DOCK3: variants seen among roughly 807,000 people sequenced by gnomAD.
DOCK3 encodes dedicator of cytokinesis 3.
Under a neutral mutation model 265.6 loss-of-function variants are expected in DOCK3, and 60 were observed. The ratio of observed to expected loss-of-function variants is 0.23; its 90% CI spans 0.18 to 0.28. DOCK3 has a LOEUF of 0.28. DOCK3 is among the 10% of genes least tolerant of loss of function. The pLI, the probability that DOCK3 is intolerant of heterozygous loss-of-function variation, is 1.00. For synonymous variants in DOCK3, 881 were observed against 938.0 expected, an observed-to-expected ratio of 0.94 and a Z score of 1.11; for missense variants, 1,981 against 2,594.3, an observed-to-expected ratio of 0.76 and a Z score of 5.14.
At chr3:51,236,298 G>T in intron 19 of DOCK3, 47 bp from the exon 20 acceptor site, 1 of 1,399,518 alleles carries the variant, frequency 7.1e-7, no homozygotes, top group South Asian at 1.2e-5. Flanking sequence ...AAGTTTGTGC[G>T]TGTAAGGTCC....
chr3:51,305,704 GTGTGTGTGTGTC>G (rs1253998484), intron 27 of DOCK3, among the ~76,000 whole-genome samples: 1 of 126,552 alleles, frequency 7.9e-6, no homozygotes, highest in Non-Finnish European at 1.6e-5. Context: ...AATTCCCTCA[GTGTGTGTGTGTC>G]TGTGTGTGTG....
chr3:51,294,804 G>A (rs2081988171), intron 27 of DOCK3, among the ~76,000 whole-genome samples: 1 of 152,088 alleles, frequency 6.6e-6, no homozygotes, highest in Non-Finnish European at 1.5e-5. Flanking sequence ...TGGGTGCAAA[G>A]TTTCAGTTCA....
At chr3:50,706,588 ATCTATATGGAGACCTTTAAGTTTC>A (rs2036428618) in intron 1 of DOCK3, among the ~76,000 whole-genome samples, 1 of 152,082 alleles carries the variant, frequency 6.6e-6, no homozygotes, top group Non-Finnish European at 1.5e-5. Context: ...ATGGGATTGA[ATCTATATGGAGACCTTTAAGTTTC>A]CTGTGTCTGG....
chr3:51,030,060 A>G (rs998967656), intron 5 of DOCK3, among the ~76,000 whole-genome samples: 8 of 151,630 alleles, frequency 5.3e-5, no homozygotes, highest in African/African-American at 1.9e-4. Flanking sequence ...ACTCTCTCCT[A>G]CTCTTTCTAC....
intron 7 of DOCK3, among the ~76,000 whole-genome samples, chr3:51,080,905 T>G (rs2082212733): frequency 6.6e-6 from 1 of 151,728 alleles, no homozygotes; most frequent in Non-Finnish European, 1.5e-5. Flanking sequence ...TGCTTGAATT[T>G]TTTTTTTTTT....
At chr3:50,971,005 T>G (rs1446320407) in intron 5 of DOCK3, among the ~76,000 whole-genome samples, 1 of 44,274 alleles carries the variant, frequency 2.3e-5, no homozygotes, top group African/African-American at 6.3e-5. Context: ...TTTTAATTTT[T>G]TTTTTTTGAG....
chr3:51,199,080 C>G (rs1576384573), intron 12 of DOCK3, among the ~76,000 whole-genome samples: 1 of 152,096 alleles, frequency 6.6e-6, no homozygotes, highest in African/African-American at 2.4e-5. Flanking sequence ...AGTAGGAACA[C>G]CTCCGGTCTA....
chr3:50,788,605 A>C (rs1490559794), intron 2 of DOCK3, among the ~76,000 whole-genome samples: 1 of 152,220 alleles, frequency 6.6e-6, no homozygotes, highest in Non-Finnish European at 1.5e-5. Context: ...GGGGGACTGT[A>C]GCCAGAGTCA....
chr3:50,794,963 G>T (rs1486004238), intron 2 of DOCK3, among the ~76,000 whole-genome samples: 3 of 152,064 alleles, frequency 2.0e-5, no homozygotes, highest in Admixed American at 6.6e-5. Flanking sequence ...GTCTGAAAAG[G>T]ATCTTATTTC....
At chr3:50,939,564 A>G (rs780228103) in intron 5 of DOCK3, among the ~76,000 whole-genome samples, 1 of 152,018 alleles carries the variant, frequency 6.6e-6, no homozygotes, top group Non-Finnish European at 1.5e-5. Flanking sequence ...TAATACAAGG[A>G]TGGTTCAGTA....
intron 4 of DOCK3, among the ~76,000 whole-genome samples, chr3:50,901,334 C>T (rs2049183846): frequency 6.6e-6 from 1 of 152,112 alleles, no homozygotes; most frequent in East Asian, 1.9e-4. Flanking sequence ...CCACCAAGCT[C>T]GAGTGTCCCA....
At chr3:50,781,238 G>T (rs1282425615) in intron 2 of DOCK3, among the ~76,000 whole-genome samples, 2 of 150,908 alleles carry the variant, frequency 1.3e-5, no homozygotes, top group Non-Finnish European at 3.0e-5. Flanking sequence ...AATCCCACTG[G>T]GGTGGGATTG....
chr3:51,208,633 G>C, intron 12 of DOCK3, 141 bp from the exon 13 acceptor site: 1 of 658,366 alleles, frequency 1.5e-6, no homozygotes, highest in Non-Finnish European at 2.6e-6. Context: ...AATGAGCCTT[G>C]TTTAATTTAG....
intron 9 of DOCK3, among the ~76,000 whole-genome samples, chr3:51,094,565 TA>T (rs2082756092): frequency 6.6e-6 from 1 of 152,056 alleles, no homozygotes; most frequent in Non-Finnish European, 1.5e-5. Context: ...TTTTCTTCTT[TA>T]TTAGTCTGGC....
At chr3:50,968,283 C>T (rs894484141) in intron 5 of DOCK3, among the ~76,000 whole-genome samples, 2 of 152,116 alleles carry the variant, frequency 1.3e-5, no homozygotes, top group African/African-American at 4.8e-5. Context: ...CCTCCCAACT[C>T]AGTCTCTGGA....
intron 1 of DOCK3, among the ~76,000 whole-genome samples, chr3:50,682,483 A>G (rs1399522255): frequency 6.6e-6 from 1 of 152,072 alleles, no homozygotes; most frequent in Non-Finnish European, 1.5e-5. Context: ...ATCCTTTCCT[A>G]GATTCTTGGC....
At chr3:50,889,556 G>T (rs551693516) in intron 3 of DOCK3, among the ~76,000 whole-genome samples, 9 of 151,214 alleles carry the variant, frequency 6.0e-5, no homozygotes, top group Non-Finnish European at 1.0e-4. Flanking sequence ...AAGAGTAAAA[G>T]AAGACATATT....
intron 1 of DOCK3, chr3:50,685,415 C>A (rs563142435): frequency 6.5e-6 from 1 of 152,786 alleles, no homozygotes; most frequent in South Asian, 2.1e-4. Flanking sequence ...ACCAGTTCCA[C>A]TTCTTGAGTA....
chr3:51,357,966 T>C lies in DOCK3; in HGVS notation c.4773T>C (p.His1591=), dbSNP rs764693771. The C allele has an allele frequency of 6.2e-7, 1 of 1,614,014 alleles. No homozygotes were observed. Among genetic ancestry groups the C allele is most frequent in the East Asian group, 2.2e-5 (1 of 44,888 alleles). ...CTTGTTTGTGACTCTGATAGGTTCA[T>C]GTCCTTGGAGTTGGGCTAGCAGTTC... The part of the protein sequence containing the change: ...QLKELMQEQV[H]VLGVGLAVHE... Residue 1591 remains histidine (H), a synonymous_variant, in exon 46 of 53, where the codon CAT becomes CAC. Coordinates refer to ENST00000266037, the MANE Select transcript of DOCK3 (RefSeq NM_004947.5).
Sources: allele counts gnomAD v4.1 joint callset (sites outside exome capture counted in the v4.1 genomes callset), GRCh38; gene constraint gnomAD v4.1.1; transcripts MANE v1.5; gene names NCBI Gene and HGNC (gene_info 2026-07-23, HGNC 2026-07-21).